Variants in DACH1 observed in about 807,000 individuals in gnomAD.
The protein encoded by DACH1 is dachshund family transcription factor 1.
In DACH1, 12 loss-of-function variants were observed where a neutral mutation model predicts 54.2. That is an observed-to-expected ratio of 0.22 (90% confidence interval 0.14 to 0.36). The LOEUF is 0.36. Among genes scored for constraint, DACH1 ranks in the 10% least tolerant of loss-of-function variants. The pLI, the probability that DACH1 is intolerant of heterozygous loss-of-function variation, is 1.00. For missense variants in DACH1, 805 were observed against 929.8 expected (o/e 0.87, Z 1.75); for synonymous variants, 386 against 366.2 (o/e 1.05, Z -0.62).
intron 10 of DACH1, among the ~76,000 whole-genome samples, chr13:71,470,875 G>T (rs1877008824): frequency 6.6e-6 from 1 of 152,154 alleles, no homozygotes; most frequent in Non-Finnish European, 1.5e-5. Flanking sequence ...CTACCATAGA[G>T]ATAAGAAGAA....
At chr13:71,560,930 A>G (rs1207425321) in intron 4 of DACH1, among the ~76,000 whole-genome samples, 1 of 152,188 alleles carries the variant, frequency 6.6e-6, no homozygotes, top group African/African-American at 2.4e-5. Flanking sequence ...TAGATGTATA[A>G]TGTACTTATA....
At chr13:71,745,793 T>C (rs1352270880) in intron 1 of DACH1, among the ~76,000 whole-genome samples, 1 of 152,202 alleles carries the variant, frequency 6.6e-6, no homozygotes, top group African/African-American at 2.4e-5. Context: ...CCAATAAAAC[T>C]GCAGGGCTTT....
chr13:71,526,368 A>G (rs943414495), intron 6 of DACH1, among the ~76,000 whole-genome samples: 3 of 152,162 alleles, frequency 2.0e-5, no homozygotes, highest in African/African-American at 7.2e-5. Context: ...TGGCAGTTCC[A>G]TTTTCTTATC....
At chr13:71,690,659 C>A (rs551203834) in intron 1 of DACH1, among the ~76,000 whole-genome samples, 1 of 152,138 alleles carries the variant, frequency 6.6e-6, no homozygotes, top group Non-Finnish European at 1.5e-5. Flanking sequence ...AGCCCAGGTG[C>A]GGTGGCTCAC....
At chr13:71,761,613 T>C (rs1408518053) in intron 1 of DACH1, among the ~76,000 whole-genome samples, 2 of 152,162 alleles carry the variant, frequency 1.3e-5, no homozygotes, top group African/African-American at 2.4e-5. Context: ...TCAATGTGCG[T>C]ACACATCATC....
intron 1 of DACH1, among the ~76,000 whole-genome samples, chr13:71,696,605 T>A (rs375793756): frequency 6.6e-6 from 1 of 152,086 alleles, no homozygotes; most frequent in East Asian, 1.9e-4. Context: ...TGGAGTGCAA[T>A]GGCACAATCT....
intron 1 of DACH1, among the ~76,000 whole-genome samples, chr13:71,740,459 TA>T (rs1257424281): frequency 1.3e-5 from 2 of 152,214 alleles, no homozygotes; most frequent in Admixed American, 1.3e-4. Flanking sequence ...AGAAAGCAGA[TA>T]ATGTTTTAAA....
intron 1 of DACH1, among the ~76,000 whole-genome samples, chr13:71,775,372 T>C (rs997279533): frequency 5.3e-5 from 8 of 151,960 alleles, no homozygotes; most frequent in Non-Finnish European, 1.2e-4. Context: ...TCTGGTGCCA[T>C]GGCCATATAG....
At chr13:71,522,579 G>A (rs914152187) in intron 6 of DACH1, among the ~76,000 whole-genome samples, 2 of 151,982 alleles carry the variant, frequency 1.3e-5, no homozygotes, top group Non-Finnish European at 2.9e-5. Flanking sequence ...CATACATGTT[G>A]ATTTCTTATA....
At chr13:71,565,338 A>G (rs1187926051) in intron 4 of DACH1, among the ~76,000 whole-genome samples, 3 of 152,166 alleles carry the variant, frequency 2.0e-5, no homozygotes, top group African/African-American at 7.2e-5. Flanking sequence ...TTTACTGAAC[A>G]CTTACTATGT....
At chr13:71,799,791 G>GA (rs1451108062) in intron 1 of DACH1, among the ~76,000 whole-genome samples, 4 of 151,978 alleles carry the variant, frequency 2.6e-5, no homozygotes, top group African/African-American at 9.7e-5. Flanking sequence ...GAGCCAAAAG[G>GA]AAAAAATATG....
At chr13:71,716,302 A>G (rs1465237942) in intron 1 of DACH1, among the ~76,000 whole-genome samples, 1 of 152,094 alleles carries the variant, frequency 6.6e-6, no homozygotes, top group Non-Finnish European at 1.5e-5. Context: ...AGTGTTCTAT[A>G]TAGAAATAAC....
intron 1 of DACH1, among the ~76,000 whole-genome samples, chr13:71,724,884 T>C (rs1883398552): frequency 1.3e-5 from 2 of 152,160 alleles, no homozygotes; most frequent in Admixed American, 6.5e-5. Flanking sequence ...GAAATGTTTC[T>C]TCATGGATGA....
intron 10 of DACH1, among the ~76,000 whole-genome samples, chr13:71,454,328 C>G (rs207474024): frequency 6.6e-6 from 1 of 152,170 alleles, no homozygotes; most frequent in Non-Finnish European, 1.5e-5. Flanking sequence ...GAAGAGCCTT[C>G]TGTGGTAGGC....
chr13:71,818,975 G>A (rs1442245888), intron 1 of DACH1, among the ~76,000 whole-genome samples: 2 of 152,178 alleles, frequency 1.3e-5, no homozygotes, highest in Non-Finnish European at 2.9e-5. Flanking sequence ...CCCCTCAGAT[G>A]TTATTAACTG....
chr13:71,688,179 G>A (rs1881278994), intron 1 of DACH1, among the ~76,000 whole-genome samples: 2 of 152,086 alleles, frequency 1.3e-5, no homozygotes, highest in Non-Finnish European at 1.5e-5. Flanking sequence ...CACTGACATC[G>A]TCTAGATTAA....
chr13:71,712,646 A>G (rs1478901776), intron 1 of DACH1, among the ~76,000 whole-genome samples: 2 of 152,162 alleles, frequency 1.3e-5, no homozygotes, highest in Non-Finnish European at 2.9e-5. Flanking sequence ...ATGCTGGCCT[A>G]TTACATATCA....
chr13:71,488,573 T>C (rs1012594502), intron 7 of DACH1, among the ~76,000 whole-genome samples: 2 of 152,028 alleles, frequency 1.3e-5, no homozygotes, highest in Non-Finnish European at 2.9e-5. Context: ...TTAGACATAT[T>C]TTAAATGACT....
chr13:71,592,494 C>CAA (rs575364116), intron 3 of DACH1, among the ~76,000 whole-genome samples: 2,017 of 32,132 alleles, frequency 0.063, 188 homozygotes, highest in African/African-American at 0.2. Context: ...GACTCTATCT[C>CAA]AAAAAAAAAA....
Sources: allele counts gnomAD v4.1 joint callset (sites outside exome capture counted in the v4.1 genomes callset), GRCh38; gene constraint gnomAD v4.1.1; transcripts MANE v1.5; gene names NCBI Gene and HGNC (gene_info 2026-07-23, HGNC 2026-07-21).